Variants in TBC1D5 observed in about 807,000 individuals in gnomAD.
TBC1D5 encodes TBC1 domain family, member 5.
TBC1D5 carries 75 observed loss-of-function variants against 100.3 expected under a neutral mutation model. The ratio of observed to expected loss-of-function variants is 0.75; its 90% CI spans 0.62 to 0.91. The LOEUF (loss-of-function observed/expected upper bound fraction) is 0.91, where lower values mean the gene tolerates loss of function less well. Among genes scored for constraint, TBC1D5 ranks in the 40% least tolerant of loss-of-function variants. The pLI is 0.00. For missense variants in TBC1D5, 910 were observed against 942.4 expected (o/e 0.97, Z 0.45); for synonymous variants, 323 against 325.6 (o/e 0.99, Z 0.09).
chr3:17,220,886 GA>G (rs201275902), intron 17 of TBC1D5, among the ~76,000 whole-genome samples: 1 of 151,984 alleles, frequency 6.6e-6, no homozygotes, highest in Non-Finnish European at 1.5e-5. Flanking sequence ...TTGACAAAAT[GA>G]AAAAAATTCC....
intron 17 of TBC1D5, among the ~76,000 whole-genome samples, chr3:17,216,965 ACTAT>A (rs1203988228): frequency 2.0e-5 from 3 of 152,138 alleles, no homozygotes; most frequent in Admixed American, 2.0e-4. Flanking sequence ...GACCATCAAA[ACTAT>A]CTATTTTAGA....
Position 17,697,569 on chromosome 3 carries a change from A to G in TBC1D5, c.-101+41774T>C, listed in dbSNP as rs554491525. ...ACAAGGGATGTGAAGGACTTCTTCA[A>G]GGAGAACTACAAACCACTGCTCAAT... On this transcript the variant is annotated intron_variant, in intron 1 of 21. Coordinates refer to ENST00000253692, the Ensembl canonical transcript of TBC1D5. Among the ~76,000 whole-genome samples the G allele has an allele frequency of 3.9e-5, 6 of 152,328 alleles. No individual in the cohort carries two copies. In the South Asian group the frequency reaches 1.0e-3, roughly 26 times the overall value.
intron 2 of TBC1D5, among the ~76,000 whole-genome samples, chr3:17,558,553 G>C (rs539089973): frequency 1.3e-5 from 2 of 152,144 alleles, no homozygotes; most frequent in Non-Finnish European, 2.9e-5. Flanking sequence ...TTATATATGG[G>C]AATATTTTTC....
chr3:17,157,271 G>T (rs750955608), exon 22 of TBC1D5: 28 of 152,244 alleles, frequency 1.8e-4, no homozygotes, highest in Non-Finnish European at 3.7e-4. Context: ...AGATGGATGA[G>T]AAAAAAGCGA....
intron 1 of TBC1D5, among the ~76,000 whole-genome samples, chr3:17,675,685 T>A (rs916009292): frequency 6.6e-6 from 1 of 152,124 alleles, no homozygotes; most frequent in African/African-American, 2.4e-5. Context: ...AAAGGAAAAC[T>A]TCCAAAAAGA....
chr3:17,359,869 C>T (rs925868014), intron 13 of TBC1D5, among the ~76,000 whole-genome samples: 5 of 151,792 alleles, frequency 3.3e-5, no homozygotes, highest in South Asian at 2.1e-4. Context: ...AATGGAAAAA[C>T]GGAGACCCAT....
intron 4 of TBC1D5, among the ~76,000 whole-genome samples, chr3:17,414,899 C>T (rs1048276665): frequency 1.5e-4 from 23 of 152,232 alleles, no homozygotes; most frequent in African/African-American, 5.5e-4. Flanking sequence ...TGCACAATTA[C>T]ACACAAGCTT....
At chr3:17,347,771 G>A (rs565141992) in intron 13 of TBC1D5, among the ~76,000 whole-genome samples, 4 of 152,244 alleles carry the variant, frequency 2.6e-5, no homozygotes, top group Non-Finnish European at 5.9e-5. Flanking sequence ...CACTTAGGTG[G>A]GAGAATCACT....
intron 1 of TBC1D5, among the ~76,000 whole-genome samples, chr3:17,687,139 C>A (rs1007106987): frequency 2.6e-5 from 4 of 152,104 alleles, no homozygotes; most frequent in African/African-American, 9.7e-5. Context: ...CAAAAACTAT[C>A]TTATTTTTTC....
chr3:17,575,845 TATGG>T (rs2096654383), intron 2 of TBC1D5, among the ~76,000 whole-genome samples: 1 of 152,140 alleles, frequency 6.6e-6, no homozygotes, highest in South Asian at 2.1e-4. Context: ...AAACTAAATG[TATGG>T]TGAATATCAA....
At chr3:17,592,816 C>G (rs1233993275) in intron 2 of TBC1D5, among the ~76,000 whole-genome samples, 1 of 152,184 alleles carries the variant, frequency 6.6e-6, no homozygotes, top group Non-Finnish European at 1.5e-5. Flanking sequence ...GATTTTGGAG[C>G]AAGGCCCTGC....
intron 2 of TBC1D5, among the ~76,000 whole-genome samples, chr3:17,608,543 T>G (rs1231357674): frequency 6.6e-6 from 1 of 152,228 alleles, no homozygotes; most frequent in Non-Finnish European, 1.5e-5. Context: ...CTAATATCCA[T>G]GATTATTCCT....
chr3:17,332,327 T>C (rs965189144), intron 13 of TBC1D5, among the ~76,000 whole-genome samples: 2 of 152,184 alleles, frequency 1.3e-5, no homozygotes, highest in African/African-American at 4.8e-5. Context: ...TGTCATTTTA[T>C]TTACAGATGG....
At chr3:17,513,335 A>G (rs1217681539) in intron 2 of TBC1D5, among the ~76,000 whole-genome samples, 1 of 152,108 alleles carries the variant, frequency 6.6e-6, no homozygotes, top group Non-Finnish European at 1.5e-5. Context: ...CCATCTCAAA[A>G]AAAAAAAAAA....
At chr3:17,239,585 T>G (rs2076147823) in intron 16 of TBC1D5, among the ~76,000 whole-genome samples, 1 of 152,196 alleles carries the variant, frequency 6.6e-6, no homozygotes, top group African/African-American at 2.4e-5. Flanking sequence ...CTAAAGCTAT[T>G]CCTCAAGGTC....
intron 3 of TBC1D5, among the ~76,000 whole-genome samples, chr3:17,481,033 GT>G (rs2095495805): frequency 6.6e-6 from 1 of 152,196 alleles, no homozygotes; most frequent in Non-Finnish European, 1.5e-5. Context: ...GGACCCTAGA[GT>G]CAGGGGCTCC....
At chr3:17,591,576 G>A (rs1025021301) in intron 2 of TBC1D5, among the ~76,000 whole-genome samples, 3 of 152,146 alleles carry the variant, frequency 2.0e-5, no homozygotes, top group African/African-American at 7.2e-5. Flanking sequence ...TTAAAGTAGG[G>A]GCTTATGGAG....
intron 3 of TBC1D5, among the ~76,000 whole-genome samples, chr3:17,468,160 G>A (rs2095330603): frequency 6.6e-6 from 1 of 152,210 alleles, no homozygotes; most frequent in Non-Finnish European, 1.5e-5. Context: ...AGGATCTAGT[G>A]TACAGACATT....
intron 1 of TBC1D5, among the ~76,000 whole-genome samples, chr3:17,737,231 C>T (rs1041938918): frequency 1.3e-5 from 2 of 152,142 alleles, no homozygotes; most frequent in East Asian, 3.8e-4. Flanking sequence ...TCTCACTGGT[C>T]TAGTTATTCT....
Sources: allele counts gnomAD v4.1 joint callset (sites outside exome capture counted in the v4.1 genomes callset), GRCh38; gene constraint gnomAD v4.1.1; transcripts MANE v1.5; gene names NCBI Gene and HGNC (gene_info 2026-07-23, HGNC 2026-07-21).